The following SLIT1 variants were observed in gnomAD, a reference collection of about 807,000 sequenced individuals.
SLIT1 encodes the protein slit homolog 1 protein.
In SLIT1, 66 loss-of-function variants were observed where a neutral mutation model predicts 186.1. That is an observed-to-expected ratio of 0.35 (90% CI 0.29 to 0.44). The LOEUF is 0.44. SLIT1 is among the 20% of genes least tolerant of loss of function. The pLI is 1.00. For missense variants in SLIT1, 1,638 were observed against 2,037.4 expected (o/e 0.80, Z 3.77); for synonymous variants, 761 against 833.8 (o/e 0.91, Z 1.50).
chr10:97,048,109 C>A, intron 14 of SLIT1, 113 bp from the exon 15 acceptor site: 4 of 1,115,692 alleles, frequency 3.6e-6, no homozygotes, highest in Non-Finnish European at 4.1e-6. Flanking sequence ...GGCTGAGGAG[C>A]CCATCTGCCC....
chr10:97,002,669 C>G, intron 35 of SLIT1, 35 bp downstream of exon 35: 1 of 1,520,838 alleles, frequency 6.6e-7, no homozygotes, highest in Non-Finnish European at 8.8e-7. Context: ...AACAGGTAGG[C>G]AGGGGCAAGG....
chr10:97,123,326 C>A (rs1315284893), intron 4 of SLIT1, among the ~76,000 whole-genome samples: 1 of 152,182 alleles, frequency 6.6e-6, no homozygotes, highest in East Asian at 1.9e-4. Context: ...CTTCAAAATT[C>A]CTGTGGAATG....
chr10:97,021,247 C>G lies in SLIT1; in HGVS notation c.2746+3G>C. On this transcript the variant is annotated splice_donor_region_variant and intron_variant, in intron 26 of 36. Transcript: ENST00000266058. This position sits in a 1 kb window ranked among gnomAD's most constrained non-coding sequence, Gnocchi z 4.5. ...CAGCAGGAGGCTGTGCTCCTAGGCT[C>G]ACCTTGGCATTCAAACTTCTTGGCA... is the stretch of plus-strand genomic sequence containing the variant. 1.2e-6 allele frequency: 2 copies of G among 1,613,370 alleles called. No homozygotes were observed. The highest frequency in any genetic ancestry group is 1.3e-5 in the African/African-American group (1 of 75,064).
chr10:97,089,674 G>A (rs1849209239), intron 4 of SLIT1, among the ~76,000 whole-genome samples: 1 of 152,154 alleles, frequency 6.6e-6, no homozygotes, highest in Non-Finnish European at 1.5e-5. Context: ...CTCATGGCTG[G>A]GGGAGGGAGG....
chr10:97,081,799 A>G (rs1370946383), intron 4 of SLIT1, among the ~76,000 whole-genome samples: 2 of 152,164 alleles, frequency 1.3e-5, no homozygotes, highest in Non-Finnish European at 2.9e-5. Flanking sequence ...AGCTACGAGG[A>G]ACCACAAGGA....
At chr10:97,167,895 GC>G (rs2134733071) in intron 1 of SLIT1, among the ~76,000 whole-genome samples, 1 of 152,252 alleles carries the variant, frequency 6.6e-6, no homozygotes, top group African/African-American at 2.4e-5. Context: ...TTCCCCTTCC[GC>G]CATGATTGTA....
At chr10:97,185,325 C>A (rs1850396660) in intron 1 of SLIT1, among the ~76,000 whole-genome samples, 153 bp downstream of exon 1, 1 of 152,200 alleles carries the variant, frequency 6.6e-6, no homozygotes, top group Non-Finnish European at 1.5e-5. Context: ...TGGCTCCTGG[C>A]TCGGGAAAGA....
intron 4 of SLIT1, among the ~76,000 whole-genome samples, chr10:97,092,209 T>C (rs910389430): frequency 4.6e-5 from 7 of 152,244 alleles, no homozygotes; most frequent in African/African-American, 1.7e-4. Context: ...CCAAGGTCTA[T>C]GCAGCCCCTA....
At position 97,066,101 on chromosome 10, in the gene SLIT1, C is replaced by G. The variant is rs766668184; in HGVS notation, c.414-15G>C. On this transcript the variant is annotated splice_polypyrimidine_tract_variant and intron_variant, in intron 4 of 36. Transcript: ENST00000266058. ...CACTCAAGTCCCTGGGAGGATAAAG[C>G]CAGAGGGAGAGAAAACACCGGTCAG... is the stretch of plus-strand genomic sequence containing the variant. The G allele has an allele frequency of 1.8e-5, 28 of 1,589,164 alleles. No homozygotes were observed. Among genetic ancestry groups the G allele is most frequent in the Non-Finnish European group, 2.4e-5 (28 of 1,164,146 alleles).
rs1564650950 is a variant in SLIT1 at position 97,002,434 on chromosome 10, G to GCCCCACATGACACAGCCCA, written c.4155-66_4155-65insTGGGCTGTGTCATGTGGGG. Reference sequence around the variant, plus strand: ...AGCCAAGCCCCACCTGACACAGCCCGCCCCACCTGACACAGCCCACCCCAC... The same window carrying GCCCCACATGACACAGCCCA: ...AGCCAAGCCCCACCTGACACAGCCCGCCCCACATGACACAGCCCACCCCACCTGACACAGCCCACCCCAC... On this transcript the variant is annotated intron_variant, in intron 35 of 36. Transcript: ENST00000266058. 3 of 1,291,410 alleles carry GCCCCACATGACACAGCCCA rather than the reference G, an allele frequency of 2.3e-6. No homozygotes were observed. The African/African-American group carries it at 4.4e-5, about 19-fold the overall frequency. 80.0% of individuals were successfully genotyped at this position (1,291,410 alleles called of 1,614,324 possible).
Position 97,185,799 on chromosome 10 carries a change from C to A in SLIT1, c.-125G>T. On this transcript the variant is annotated 5_prime_UTR_variant, in exon 1 of 37. Coordinates refer to ENST00000266058, the MANE Select transcript of SLIT1 (RefSeq NM_003061.3). ...GAAGAGCCCGCGGGCTTGCGCGCGG[C>A]GCCCCTGCGGGCTGGGAGGCACCTT... 8.1e-6 allele frequency: 7 copies of A among 859,466 alleles called. No individual in the cohort carries two copies. Among genetic ancestry groups the A allele is most frequent in the Non-Finnish European group, 1.1e-5 (7 of 611,400 alleles). 53.2% of individuals were successfully genotyped at this position (859,466 alleles called of 1,614,324 possible). A position where few individuals can be genotyped will look rare whatever the true frequency, so the allele number is the denominator to read the frequency against.
At chr10:97,088,722 A>C (rs907249178) in intron 4 of SLIT1, among the ~76,000 whole-genome samples, 1 of 152,214 alleles carries the variant, frequency 6.6e-6, no homozygotes, top group Non-Finnish European at 1.5e-5. Flanking sequence ...GAAAGAAAAC[A>C]AAAGAAAGGG....
rs532885630 is a variant in SLIT1 at position 97,106,149 on chromosome 10, G to A, written c.414-40063C>T. Among the ~76,000 whole-genome samples the A allele has an allele frequency of 9.2e-5, 14 of 152,298 alleles. No homozygotes were observed. In the East Asian group the frequency reaches 2.3e-3, roughly 25 times the overall value. On this transcript the variant is annotated intron_variant, in intron 4 of 36. Coordinates refer to ENST00000266058, the MANE Select transcript of SLIT1 (RefSeq NM_003061.3). ...TCAGGTGGAGATGACCAGCTCCAGG[G>A]CCAGCCCATCATTTGCCTGGCCATG...
At chr10:97,070,394 C>T (rs547900016) in intron 4 of SLIT1, among the ~76,000 whole-genome samples, 1 of 152,234 alleles carries the variant, frequency 6.6e-6, no homozygotes, top group South Asian at 2.1e-4. Context: ...TTTTTGGGGG[C>T]CTCAGTTTCC....
chr10:97,173,516 T>A (rs1850217692), intron 1 of SLIT1, among the ~76,000 whole-genome samples: 1 of 97,192 alleles, frequency 1.0e-5, no homozygotes, highest in African/African-American at 3.5e-5. Flanking sequence ...TTTTTTTTTT[T>A]AACACAGGGT....
intron 3 of SLIT1, among the ~76,000 whole-genome samples, chr10:97,159,642 A>G (rs1292059292): frequency 6.6e-6 from 1 of 152,214 alleles, no homozygotes; most frequent in Non-Finnish European, 1.5e-5. Context: ...GGCGAGGGAC[A>G]TGAAGTTTAC....
chr10:97,165,866 C>T (rs885333), intron 1 of SLIT1, among the ~76,000 whole-genome samples: 33,050 of 151,908 alleles, frequency 0.22, 3,758 homozygotes, highest in Non-Finnish European at 0.25. Flanking sequence ...CACCTTGGAC[C>T]CACCTGAGGA....
At chr10:97,002,670 A>C in intron 35 of SLIT1, 34 bp downstream of exon 35, 3 of 1,519,832 alleles carry the variant, frequency 2.0e-6, no homozygotes, top group Non-Finnish European at 2.6e-6. Flanking sequence ...ACAGGTAGGC[A>C]GGGGCAAGGG....
At chr10:97,011,497 G>A (rs1038889568) in intron 30 of SLIT1, among the ~76,000 whole-genome samples, 8 of 152,080 alleles carry the variant, frequency 5.3e-5, no homozygotes, top group Non-Finnish European at 1.0e-4. Flanking sequence ...CAGCTCAGCT[G>A]CACCCTCCCT....
Sources: gnomAD v4.1 joint callset for allele counts (sites outside exome capture counted in the v4.1 genomes callset) on GRCh38, gnomAD v4.1.1 for gene constraint, Gnocchi (gnomAD v3.1) non-coding constraint, MANE v1.5 for transcripts, NCBI Gene and HGNC (gene_info 2026-07-23, HGNC 2026-07-21) for gene names.